GPM6A: variants seen among roughly 807,000 people sequenced by gnomAD.
GPM6A encodes the protein neuronal membrane glycoprotein M6-a.
In GPM6A, 7 loss-of-function variants were observed where a neutral mutation model predicts 32.1. That is an observed-to-expected ratio of 0.22 (90% CI 0.12 to 0.41). The LOEUF is 0.41. Ranked by LOEUF, GPM6A falls within the 10% of genes least tolerant of loss-of-function variation. GPM6A has a pLI of 1.00. For missense variants in GPM6A, 235 were observed against 347.2 expected (o/e 0.68, Z 2.57); for synonymous variants, 130 against 123.4 (o/e 1.05, Z -0.35).
At chr4:175,654,735 G>C (rs1019427222) in intron 3 of GPM6A, among the ~76,000 whole-genome samples, 18 of 151,876 alleles carry the variant, frequency 1.2e-4, no homozygotes, top group Admixed American at 1.2e-3. Flanking sequence ...CACCTTTGGG[G>C]GAAAAAATCT....
At chr4:175,968,045 A>AC (rs1442426313) in intron 1 of GPM6A, among the ~76,000 whole-genome samples, 2 of 152,168 alleles carry the variant, frequency 1.3e-5, no homozygotes, top group African/African-American at 4.8e-5. Context: ...AGCAATCAAA[A>AC]CAGCGTAATA....
chr4:175,970,657 C>CA (rs1740473310), intron 1 of GPM6A, among the ~76,000 whole-genome samples: 1 of 152,026 alleles, frequency 6.6e-6, no homozygotes. Context: ...TTAACACAGT[C>CA]ACGAGTGAAA....
chr4:175,836,222 G>GAGAGGATGTATAGAACC (rs1357569128), intron 1 of GPM6A, among the ~76,000 whole-genome samples: 2 of 151,970 alleles, frequency 1.3e-5, no homozygotes, highest in Non-Finnish European at 2.9e-5. Context: ...TCAACCTGGA[G>GAGAGGATGTATAGAACC]TGCACTTCTA....
chr4:175,695,911 C>T (rs976654436), intron 2 of GPM6A, among the ~76,000 whole-genome samples: 4 of 152,056 alleles, frequency 2.6e-5, no homozygotes, highest in Non-Finnish European at 4.4e-5. Flanking sequence ...GGGGTGGTTT[C>T]TCATGAATGG....
intron 1 of GPM6A, among the ~76,000 whole-genome samples, chr4:175,750,298 T>G (rs1367619058): frequency 6.6e-6 from 1 of 152,090 alleles, no homozygotes; most frequent in Non-Finnish European, 1.5e-5. Context: ...CCTCAGGTGA[T>G]CCACCCGCCT....
rs2581768 is a variant in GPM6A, at chr4:175,716,564, T to C, written c.38-14797A>G. Among the ~76,000 whole-genome samples, 647 of 152,304 alleles carry C rather than the reference T, an allele frequency of 4.2e-3. 4 individuals carry two copies. Among genetic ancestry groups the C allele is most frequent in the African/African-American group, 0.015 (622 of 41,578 alleles). On this transcript the variant is annotated intron_variant, in intron 1 of 6. Coordinates refer to ENST00000393658, the MANE Select transcript of GPM6A (RefSeq NM_201591.3). The stretch of plus-strand genomic sequence containing the variant: ...GACTTGTATTGAATGTATTCATCTC[T>C]AAACTTCTGTTTTGTTAATGACACA...
At chr4:175,738,535 C>T (rs1016900779) in intron 1 of GPM6A, among the ~76,000 whole-genome samples, 6 of 151,702 alleles carry the variant, frequency 4.0e-5, no homozygotes, top group African/African-American at 1.5e-4. Flanking sequence ...CATCCATATA[C>T]TTCATAGTAT....
chr4:175,713,191 CTATTTT>C lies in GPM6A; in HGVS notation c.38-11430_38-11425del, dbSNP rs565653505. On this transcript the variant is annotated intron_variant, in intron 1 of 6. Coordinates refer to ENST00000393658, the MANE Select transcript of GPM6A (RefSeq NM_201591.3). ...CCTTTAATGAATGACATGATAATCT[CTATTTT>C]TATTTTTATTTTTATTTTTATTTAA... 2.8e-3 allele frequency among the ~76,000 whole-genome samples: 428 copies of C among 152,012 alleles called. 3 individuals carry two copies. Among genetic ancestry groups the C allele is most frequent in the Admixed American group, 0.017 (252 of 15,254 alleles).
chr4:175,902,746 C>G (rs1489359890), intron 1 of GPM6A, among the ~76,000 whole-genome samples: 1 of 152,116 alleles, frequency 6.6e-6, no homozygotes, highest in East Asian at 1.9e-4. Flanking sequence ...TCCGGGACCC[C>G]TCTCTCTGCA....
intron 1 of GPM6A, among the ~76,000 whole-genome samples, chr4:175,853,558 G>T (rs1160803875): frequency 7.0e-6 from 1 of 143,002 alleles, no homozygotes; most frequent in Non-Finnish European, 1.5e-5. Context: ...AGATCAAGAA[G>T]TAAGAAAATC....
chr4:175,892,450 A>T (rs1352591525), intron 1 of GPM6A, among the ~76,000 whole-genome samples: 1 of 152,174 alleles, frequency 6.6e-6, no homozygotes, highest in East Asian at 1.9e-4. Context: ...ATGAATTCGT[A>T]AGCAGCCCCA....
chr4:175,715,599 G>A (rs1050171456), intron 1 of GPM6A, among the ~76,000 whole-genome samples: 1 of 152,136 alleles, frequency 6.6e-6, no homozygotes, highest in African/African-American at 2.4e-5. Context: ...AGAATCTGCA[G>A]CCATGTTTAG....
At position 175,971,405 on chromosome 4, in the gene GPM6A, G is replaced by A. The variant is rs1163381448; in HGVS notation, c.-23+30904C>T. On this transcript the variant is annotated intron_variant, in intron 1 of 7. Transcript: ENST00000280187. ...AATCAAACGAGGAAGTAAAGTAGGT[G>A]CTTAATATACCAAAAATATTGCGTG... Among the ~76,000 whole-genome samples, 5 of 152,138 alleles carry A rather than the reference G, an allele frequency of 3.3e-5. No individual in the cohort carries two copies. The South Asian group carries it at 1.0e-3, about 31-fold the overall frequency.
In GPM6A at chr4:175,637,096, TATATA is replaced by T. The variant is rs1310531660; in HGVS notation, c.685-2044_685-2040del. 2.2e-3 allele frequency among the ~76,000 whole-genome samples: 296 copies of T among 132,788 alleles called. 2 individuals carry two copies. The highest frequency in any genetic ancestry group is 4.3e-3 in the Middle Eastern group (1 of 230). The allele number at this position is 132,788 out of a possible 152,430, so 87.1% of individuals were successfully genotyped here. ...AAAATATATAACATATAATATATCA[TATATA>T]ATATATTATATGTGATATATAATAT... On this transcript the variant is annotated intron_variant, in intron 6 of 6. Transcript: ENST00000393658.
At chr4:175,914,902 C>A (rs950945867) in intron 1 of GPM6A, among the ~76,000 whole-genome samples, 8 of 152,160 alleles carry the variant, frequency 5.3e-5, no homozygotes, top group African/African-American at 1.4e-4. Context: ...ACAAGACACA[C>A]CCCAAGCAAT....
At chr4:175,855,663 G>C (rs1212345090) in intron 1 of GPM6A, among the ~76,000 whole-genome samples, 3 of 152,162 alleles carry the variant, frequency 2.0e-5, no homozygotes, top group Non-Finnish European at 4.4e-5. Context: ...ATAGATGACA[G>C]ATGATGCAAT....
At chr4:175,822,246 T>A (rs920026223) in intron 1 of GPM6A, among the ~76,000 whole-genome samples, 1 of 152,184 alleles carries the variant, frequency 6.6e-6, no homozygotes, top group African/African-American at 2.4e-5. Context: ...AAACAGAGAA[T>A]TGGTCATGAT....
intron 4 of GPM6A, among the ~76,000 whole-genome samples, chr4:175,642,670 G>A (rs983122089): frequency 1.3e-5 from 2 of 151,554 alleles, no homozygotes; most frequent in South Asian, 2.1e-4. Context: ...TCATATTTTT[G>A]TCTGTTGCCT....
Position 175,877,372 on chromosome 4 carries a change from C to A in GPM6A, c.-22-65123G>T, listed in dbSNP as rs546205164. On this transcript the variant is annotated intron_variant, in intron 1 of 7. Coordinates refer to the GPM6A transcript ENST00000280187. ...CTCAAAGCAAGCAAAGGCAGTTAAG[C>A]ATAGTATTAGTCCATTCTCACCCTG... Among the ~76,000 whole-genome samples the A allele has an allele frequency of 3.3e-5, 5 of 152,242 alleles. No individual in the cohort carries two copies. In the South Asian group the frequency reaches 1.0e-3, roughly 32 times the overall value.
Sources: allele counts gnomAD v4.1 joint callset (sites outside exome capture counted in the v4.1 genomes callset), GRCh38; gene constraint gnomAD v4.1.1; transcripts MANE v1.5; gene names NCBI Gene and HGNC (gene_info 2026-07-23, HGNC 2026-07-21).